SLC7A9: variants seen among roughly 807,000 people sequenced by gnomAD.
SLC7A9 encodes the protein B(0,+)-type amino acid transporter 1.
In SLC7A9, 38 loss-of-function variants were observed where a neutral mutation model predicts 54.1. The observed-to-expected ratio is 0.70, with a 90% CI of 0.54 to 0.92. The LOEUF is 0.92. SLC7A9 is among the 40% of genes least tolerant of loss of function. The pLI is 0.00. For synonymous variants in SLC7A9, 264 were observed against 258.9 expected, an observed-to-expected ratio of 1.02 and a Z score of -0.19; for missense variants, 537 against 636.1, an observed-to-expected ratio of 0.84 and a Z score of 1.68.
chr19:32,856,440 C>T (rs991660321), intron 9 of SLC7A9, among the ~76,000 whole-genome samples: 1 of 152,068 alleles, frequency 6.6e-6, no homozygotes, highest in African/African-American at 2.4e-5. Context: ...GTGATCTGCC[C>T]GCCTCGGCCT....
At position 32,864,688 on chromosome 19, in the gene SLC7A9, G is replaced by A. The variant is rs146154087; in HGVS notation, c.176C>T (p.Thr59Met). 195 of 1,614,160 alleles carry A rather than the reference G, an allele frequency of 1.2e-4. 2 individuals are homozygous for A. In the South Asian group the frequency reaches 1.3e-3, roughly 11 times the overall value. The change falls in exon 3 of 13, where the codon ACG (threonine) becomes ATG (methionine). Residue 59 changes from threonine (T) to methionine (M), a missense_variant. Physicochemically the swap from Thr to Met is moderately conservative, Grantham distance 81 (BLOSUM62 -1). Transcript: ENST00000023064. ...GATGAGGCAGGGCCCCACAGCTTCCGTGTTGCTGAGCACAGACTTGGGGGA... is the reference window on the plus strand; with the variant it reads ...GATGAGGCAGGGCCCCACAGCTTCCATGTTGCTGAGCACAGACTTGGGGGA... Reference protein sequence around the residue: ...FVSPKSVLSNTEAVGPCLIIW... With the variant: ...FVSPKSVLSNMEAVGPCLIIW...
chr19:32,858,606 C>G, intron 8 of SLC7A9, 63 bp from the exon 9 acceptor site: 1 of 1,373,148 alleles, frequency 7.3e-7, no homozygotes, highest in South Asian at 1.2e-5. Flanking sequence ...GGCCGGCCCC[C>G]AAAAGCTATT....
In SLC7A9 at chr19:32,833,260, T is replaced by A; in HGVS notation, c.1288A>T (p.Ile430Phe). 6.2e-7 allele frequency: 1 copy of A among 1,614,180 alleles called. No homozygotes were observed. Among genetic ancestry groups the A allele is most frequent in the Non-Finnish European group, 8.5e-7 (1 of 1,180,030 alleles). Residue 430 changes from isoleucine to phenylalanine, a missense_variant, in exon 12 of 13, where the codon ATC (isoleucine) becomes TTC (phenylalanine). Transcript: ENST00000023064. ...AGGTACTCCCAGGTGGGCTTGCTGA[T>A]GATTGGAGCCAGAACCAAAAACACA... The part of the protein sequence containing the change: ...ISVFLVLAPI[I>F]SKPTWEYLYC...
intron 9 of SLC7A9, among the ~76,000 whole-genome samples, chr19:32,844,923 G>C (rs1289510428): frequency 7.2e-6 from 1 of 139,756 alleles, no homozygotes; most frequent in African/African-American, 2.7e-5. Flanking sequence ...CCAGCAATTT[G>C]GGAGCCCGAG....
rs7247037 is a variant in SLC7A9 at position 32,843,787 on chromosome 19, G to A, written c.1074+68C>T. The A allele has an allele frequency of 0.029, 34,454 of 1,201,320 alleles. 1,171 individuals are homozygous for A. Among genetic ancestry groups the A allele is most frequent in the African/African-American group, 0.15 (9,723 of 66,994 alleles). 74.4% of individuals were successfully genotyped at this position (1,201,320 alleles called of 1,614,324 possible). Reference sequence around the variant, plus strand: ...GCATCTGGGTCATTTGGAAGCCGCCGGGCTTAGCACCCCATGGATGGAGTG... The same window carrying A: ...GCATCTGGGTCATTTGGAAGCCGCCAGGCTTAGCACCCCATGGATGGAGTG... On this transcript the variant is annotated intron_variant, in intron 10 of 12. Transcript: ENST00000023064.
At chr19:32,855,715 G>A (rs1340673509) in intron 9 of SLC7A9, among the ~76,000 whole-genome samples, 1 of 150,510 alleles carries the variant, frequency 6.6e-6, no homozygotes, top group Non-Finnish European at 1.5e-5. Context: ...AAAAAAAATA[G>A]AAAAATGCAA....
chr19:32,858,596 G>A (rs1054657449), intron 8 of SLC7A9, 53 bp from the exon 9 acceptor site: 27 of 1,447,540 alleles, frequency 1.9e-5, no homozygotes, highest in South Asian at 2.4e-5. Flanking sequence ...CTCCAAGAGC[G>A]GCCGGCCCCC....
chr19:32,862,676 T>A lies in SLC7A9; in HGVS notation c.479-90A>T, dbSNP rs201365113. 2.3e-4 allele frequency: 288 copies of A among 1,257,228 alleles called. 3 individuals carry two copies. The highest frequency in any genetic ancestry group is 2.3e-3 in the South Asian group (130 of 57,340). The allele number at this position is 1,257,228 out of a possible 1,614,324, so 77.9% of individuals were successfully genotyped here. ...TCTTTTATATATTTTTTATTTTTTT[T>A]TTTTTTTGAGATGGAGTCTCACTCT... is the stretch of plus-strand genomic sequence containing the variant. On this transcript the variant is annotated intron_variant, in intron 4 of 12. Coordinates refer to ENST00000023064, the MANE Select transcript of SLC7A9 (RefSeq NM_014270.5).
intron 9 of SLC7A9, among the ~76,000 whole-genome samples, chr19:32,857,012 A>G (rs1401586422): frequency 6.6e-6 from 1 of 152,046 alleles, no homozygotes; most frequent in Non-Finnish European, 1.5e-5. Flanking sequence ...TTAGCCAGGC[A>G]TGATGGCAGG....
intron 8 of SLC7A9, among the ~76,000 whole-genome samples, chr19:32,858,768 C>CTATCTTTATTTATTTATTTA (rs373392618): frequency 1.3e-5 from 2 of 148,534 alleles, no homozygotes; most frequent in East Asian, 2.1e-4. Flanking sequence ...TGGCATAAAT[C>CTATCTTTATTTATTTATTTA]TTTATTTATT....
chr19:32,859,738 T>A, intron 8 of SLC7A9, 103 bp downstream of exon 8: 1 of 1,009,336 alleles, frequency 9.9e-7, no homozygotes, highest in South Asian at 1.3e-5. Context: ...TCCGTGAATA[T>A]CGCCCTCCTT....
At position 32,862,529 on chromosome 19, in the gene SLC7A9, A is replaced by G. The variant is rs772540620; in HGVS notation, c.536T>C (p.Ile179Thr). The change falls in exon 5 of 13, where the codon ATC becomes ACC. Residue 179 changes from isoleucine to threonine, a missense_variant. Ile to Thr is a moderately conservative substitution (Grantham distance 89). Coordinates refer to ENST00000023064, the MANE Select transcript of SLC7A9 (RefSeq NM_014270.5). ...SVRLGSYVQNIFTAAKLVIVA... is the reference protein window; with the variant it reads ...SVRLGSYVQNTFTAAKLVIVA... ...GATCACCAGCTTGGCCGCGGTGAAG[A>G]TGTTCTGGACGTAGCTTCCCAGCCG... 5 of 1,613,810 alleles carry G rather than the reference A, an allele frequency of 3.1e-6. No homozygotes were observed. The South Asian group carries it at 5.5e-5, about 18-fold the overall frequency.
intron 9 of SLC7A9, among the ~76,000 whole-genome samples, chr19:32,854,784 C>T (rs1968569389): frequency 6.6e-6 from 1 of 152,108 alleles, no homozygotes. Context: ...GACAGGGTTT[C>T]ACCATGTTGG....
intron 9 of SLC7A9, among the ~76,000 whole-genome samples, chr19:32,855,615 T>G (rs1012297545): frequency 6.6e-6 from 1 of 151,526 alleles, no homozygotes; most frequent in Non-Finnish European, 1.5e-5. Context: ...GGCAGGAGAA[T>G]GGCGTGAACC....
At chr19:32,849,360 T>C (rs983217764) in intron 9 of SLC7A9, among the ~76,000 whole-genome samples, 3 of 151,902 alleles carry the variant, frequency 2.0e-5, no homozygotes, top group Admixed American at 1.3e-4. Flanking sequence ...TCACCACCGA[T>C]CCCACAGAAA....
At chr19:32,846,231 C>T (rs565544474) in intron 9 of SLC7A9, among the ~76,000 whole-genome samples, 1 of 152,182 alleles carries the variant, frequency 6.6e-6, no homozygotes, top group African/African-American at 2.4e-5. Context: ...TTGCCTCACT[C>T]GGGAAGCACA....
intron 2 of SLC7A9, among the ~76,000 whole-genome samples, chr19:32,865,224 T>C (rs1599689519): frequency 6.6e-6 from 1 of 152,090 alleles, no homozygotes; most frequent in South Asian, 2.1e-4. Context: ...CCATGCAGGG[T>C]GAGCAACGGA....
rs75036167 is a variant in SLC7A9, at chr19:32,862,519, C to T, written c.546G>A (p.Ala182=). 1.1e-5 allele frequency: 17 copies of T among 1,613,696 alleles called. No individual in the cohort carries two copies. Among genetic ancestry groups the T allele is most frequent in the African/African-American group, 5.3e-5 (4 of 75,000 alleles). Residue 182 remains alanine (A), a synonymous_variant, in exon 5 of 13, where the codon GCG becomes GCA. Coordinates refer to ENST00000023064, the MANE Select transcript of SLC7A9 (RefSeq NM_014270.5). ...LGSYVQNIFT[A]AKLVIVAIII... ...TGATGGCCACGATCACCAGCTTGGC[C>T]GCGGTGAAGATGTTCTGGACGTAGC... is the stretch of plus-strand genomic sequence containing the variant.
At chr19:32,859,740 G>A (rs1406221432) in intron 8 of SLC7A9, 101 bp downstream of exon 8, 12 of 1,022,570 alleles carry the variant, frequency 1.2e-5, no homozygotes, top group African/African-American at 9.5e-5. Context: ...CGTGAATATC[G>A]CCCTCCTTCC....
Sources: gnomAD v4.1 joint callset for allele counts (sites outside exome capture counted in the v4.1 genomes callset) on GRCh38, gnomAD v4.1.1 for gene constraint, MANE v1.5 for transcripts, NCBI Gene and HGNC (gene_info 2026-07-23, HGNC 2026-07-21) for gene names.